ATP10A: variants seen among roughly 807,000 people sequenced by gnomAD.
ATP10A encodes ATPase phospholipid transporting 10A (putative).
A neutral mutation model predicts 147.8 loss-of-function variants in ATP10A; 111 were observed. That is an observed-to-expected ratio of 0.75 (90% confidence interval 0.64 to 0.88). The LOEUF is 0.88. Ranked by LOEUF, ATP10A falls within the 40% of genes least tolerant of loss-of-function variation. The pLI is 0.00. For missense variants in ATP10A, 1,927 were observed against 1,959.0 expected, an observed-to-expected ratio of 0.98 and a Z score of 0.31; for synonymous variants, 875 against 841.6, an observed-to-expected ratio of 1.04 and a Z score of -0.69.
At chr15:25,674,041 G>A (rs147842809), downstream of ATP10A, among the ~76,000 whole-genome samples, 179 of 152,330 alleles carry the variant, frequency 1.2e-3, 1 homozygote, top group African/African-American at 4.0e-3. Flanking sequence ...GACAGTTACC[G>A]CTGTTACACT....
chr15:25,847,546 A>C (rs1194868268), intron 1 of ATP10A, among the ~76,000 whole-genome samples: 3 of 141,362 alleles, frequency 2.1e-5, no homozygotes, highest in African/African-American at 7.8e-5. Context: ...CGGGGTCTTC[A>C]TGATCCCACT....
At chr15:25,827,305 T>G (rs1253045760) in intron 1 of ATP10A, among the ~76,000 whole-genome samples, 1 of 152,198 alleles carries the variant, frequency 6.6e-6, no homozygotes, top group African/African-American at 2.4e-5. Flanking sequence ...CACACTAGAC[T>G]GTAACTTGAA....
intron 13 of ATP10A, among the ~76,000 whole-genome samples, chr15:25,697,826 G>A (rs1043521527): frequency 2.0e-4 from 31 of 152,206 alleles, no homozygotes; most frequent in African/African-American, 7.5e-4. Context: ...GTGACATGGT[G>A]TTGACAGCAT....
chr15:25,733,629 C>G (rs1367939849), intron 3 of ATP10A, among the ~76,000 whole-genome samples: 2 of 152,324 alleles, frequency 1.3e-5, no homozygotes, highest in South Asian at 2.1e-4. Flanking sequence ...TGTGGCAAGC[C>G]CAGAACACCC....
chr15:25,751,325 G>T (rs1888146824), intron 2 of ATP10A, among the ~76,000 whole-genome samples: 1 of 152,052 alleles, frequency 6.6e-6, no homozygotes. Context: ...ATGTTCAGAG[G>T]TTCAGTAGCC....
At chr15:25,700,596 A>G (rs1458211017) in intron 13 of ATP10A, among the ~76,000 whole-genome samples, 5 of 152,224 alleles carry the variant, frequency 3.3e-5, no homozygotes, top group African/African-American at 1.2e-4. Flanking sequence ...ACACTGGAGT[A>G]TTCTGTTTAC....
chr15:25,758,852 C>T (rs1888592200), intron 2 of ATP10A, among the ~76,000 whole-genome samples: 3 of 138,128 alleles, frequency 2.2e-5, no homozygotes, highest in Non-Finnish European at 1.5e-5. Flanking sequence ...TTCCGATCAC[C>T]TGCTCCACCC....
intron 2 of ATP10A, among the ~76,000 whole-genome samples, chr15:25,751,976 C>T (rs1031339114): frequency 7.5e-6 from 1 of 132,574 alleles, no homozygotes; most frequent in Non-Finnish European, 1.5e-5. Context: ...TGCTATCCTA[C>T]CTGTCAGAAT....
chr15:25,847,480 GAAC>G (rs1893072839), intron 1 of ATP10A, among the ~76,000 whole-genome samples: 1 of 152,020 alleles, frequency 6.6e-6, no homozygotes, highest in African/African-American at 2.4e-5. Flanking sequence ...CTAAGTATTT[GAAC>G]AACAATTTTA....
At chr15:25,699,704 T>TA (rs1203955499) in intron 13 of ATP10A, among the ~76,000 whole-genome samples, 1 of 151,758 alleles carries the variant, frequency 6.6e-6, no homozygotes, top group East Asian at 1.9e-4. Context: ...TCCCATCTCT[T>TA]AAAAAAATAA....
At chr15:25,699,694 T>A (rs1393322613) in intron 13 of ATP10A, among the ~76,000 whole-genome samples, 1 of 151,870 alleles carries the variant, frequency 6.6e-6, no homozygotes, top group African/African-American at 2.4e-5. Context: ...CGCTGGGGCA[T>A]CCCATCTCTT....
At chr15:25,719,488 C>T (rs1026344333) in intron 7 of ATP10A, among the ~76,000 whole-genome samples, 8 of 152,168 alleles carry the variant, frequency 5.3e-5, no homozygotes, top group Non-Finnish European at 1.0e-4. Flanking sequence ...ACGCACAGAA[C>T]CTGGACACAT....
At chr15:25,733,656 C>A (rs993639366) in intron 3 of ATP10A, among the ~76,000 whole-genome samples, 8 of 152,188 alleles carry the variant, frequency 5.3e-5, no homozygotes, top group Non-Finnish European at 5.9e-5. Flanking sequence ...GTGGAGATGG[C>A]GAATTATCGT....
intron 14 of ATP10A, among the ~76,000 whole-genome samples, chr15:25,693,375 T>A (rs1333033062): frequency 6.6e-6 from 1 of 152,202 alleles, no homozygotes; most frequent in Non-Finnish European, 1.5e-5. Flanking sequence ...TGAGATTCCA[T>A]TCTGTGTTTC....
At chr15:25,804,015 G>A (rs541954546) in intron 1 of ATP10A, among the ~76,000 whole-genome samples, 35 of 151,028 alleles carry the variant, frequency 2.3e-4, no homozygotes, top group Admixed American at 1.9e-3. Flanking sequence ...TTGTCAGTAT[G>A]CAGCATGGTG....
chr15:25,786,617 C>CTTTTTTTTT (rs35892408), intron 1 of ATP10A, among the ~76,000 whole-genome samples: 2 of 68,868 alleles, frequency 2.9e-5, no homozygotes, highest in African/African-American at 1.3e-4. Flanking sequence ...TCATTATCAT[C>CTTTTTTTTT]TTTTTTTTTT....
intron 9 of ATP10A, among the ~76,000 whole-genome samples, chr15:25,715,370 A>G (rs542321689): frequency 7.9e-5 from 12 of 152,260 alleles, no homozygotes; most frequent in Non-Finnish European, 1.8e-4. Context: ...AAATGCACCC[A>G]GAGACATCTT....
At chr15:25,820,100 A>G (rs1226396862) in intron 1 of ATP10A, among the ~76,000 whole-genome samples, 1 of 152,186 alleles carries the variant, frequency 6.6e-6, no homozygotes, top group Non-Finnish European at 1.5e-5. Flanking sequence ...GAAGGAATAC[A>G]TTGTATTATA....
At chr15:25,713,652 A>C (rs1383805480) in intron 10 of ATP10A, 22 bp downstream of exon 10, 1 of 1,609,978 alleles carries the variant, frequency 6.2e-7, no homozygotes, top group South Asian at 1.1e-5. Context: ...GCTGGGGTGC[A>C]GCTGGGCAGG....
Sources: allele counts gnomAD v4.1 joint callset (sites outside exome capture counted in the v4.1 genomes callset), GRCh38; gene constraint gnomAD v4.1.1; transcripts MANE v1.5; gene names NCBI Gene and HGNC (gene_info 2026-07-23, HGNC 2026-07-21).